MEF2C: variants seen among roughly 807,000 people sequenced by gnomAD.
MEF2C encodes myocyte-specific enhancer factor 2C.
A neutral mutation model predicts 50.5 loss-of-function variants in MEF2C; 6 were observed. That is an observed-to-expected ratio of 0.12 (90% CI 0.07 to 0.23). MEF2C has a LOEUF of 0.23. Among genes scored for constraint, MEF2C ranks in the 10% least tolerant of loss-of-function variants. MEF2C has a pLI of 1.00. For synonymous variants in MEF2C, 183 were observed against 228.0 expected (o/e 0.80, Z 1.78); for missense variants, 276 against 605.0 (o/e 0.46, Z 5.70).
chr5:88,729,734 T>C (rs1256426233), intron 8 of MEF2C, among the ~76,000 whole-genome samples: 3 of 152,188 alleles, frequency 2.0e-5, no homozygotes, highest in Admixed American at 6.5e-5. Context: ...CAGTTCTACA[T>C]ACAGCAGAGA....
At chr5:88,759,673 T>TC (rs1776994490) in intron 4 of MEF2C, among the ~76,000 whole-genome samples, 9 of 151,864 alleles carry the variant, frequency 5.9e-5, no homozygotes, top group African/African-American at 1.9e-4. Flanking sequence ...GTGCATATAA[T>TC]AGTTTTATGA....
intron 3 of MEF2C, among the ~76,000 whole-genome samples, chr5:88,794,463 A>G (rs948207055): frequency 6.6e-6 from 1 of 152,114 alleles, no homozygotes; most frequent in Non-Finnish European, 1.5e-5. Context: ...GTGTCTGTTC[A>G]TATCCTTTGC....
intron 6 of MEF2C, chr5:88,742,067 G>T: frequency 3.0e-6 from 3 of 985,340 alleles, no homozygotes; most frequent in Non-Finnish European, 3.6e-6. Context: ...ATTGGCAAAG[G>T]TTTGTCTAAA....
chr5:88,734,591 T>TA, intron 6 of MEF2C: 2 of 970,374 alleles, frequency 2.1e-6, no homozygotes, highest in Non-Finnish European at 2.4e-6. Flanking sequence ...TTTTTTTTTT[T>TA]TTTTTTTAGC....
intron 1 of MEF2C, among the ~76,000 whole-genome samples, chr5:88,835,240 C>T (rs1814610249): frequency 6.6e-6 from 1 of 152,084 alleles, no homozygotes; most frequent in Non-Finnish European, 1.5e-5. Flanking sequence ...GAGAAAAAAA[C>T]AATCTTACAA....
At chr5:88,825,881 A>G (rs1810646140) in intron 1 of MEF2C, 1 of 152,360 alleles carries the variant, frequency 6.6e-6, no homozygotes, top group African/African-American at 2.4e-5. Flanking sequence ...CGGTGGCACT[A>G]TCGGCTTACA....
At chr5:88,753,012 A>G (rs781507093) in intron 4 of MEF2C, among the ~76,000 whole-genome samples, 4 of 152,240 alleles carry the variant, frequency 2.6e-5, no homozygotes, top group Non-Finnish European at 5.9e-5. Flanking sequence ...GAAGGCATTA[A>G]GGCATTCCCT....
At chr5:88,824,510 T>C (rs761759802) in intron 1 of MEF2C, 17 of 219,314 alleles carry the variant, frequency 7.8e-5, no homozygotes, top group Non-Finnish European at 1.2e-4. Context: ...TGAGAACACC[T>C]TAAAAATAAT....
rs1258124439 is a variant in MEF2C at position 88,776,122 on chromosome 5, G to C, written c.259-14794C>G. 4.0e-5 allele frequency among the ~76,000 whole-genome samples: 6 copies of C among 151,706 alleles called. No individual in the cohort carries two copies. In the East Asian group the frequency reaches 5.8e-4, roughly 15 times the overall value. ...CTACTTTTATTTTGATGATGCTTTG[G>C]TGTTCATAAAATTGTTAAGATAAAT... On this transcript the variant is annotated intron_variant, in intron 3 of 10. Transcript: ENST00000504921.
At position 88,775,334 on chromosome 5, in the gene MEF2C, A is replaced by G. The variant is rs148366196; in HGVS notation, c.259-14006T>C. On this transcript the variant is annotated intron_variant, in intron 3 of 10. Transcript: ENST00000504921. ...GTGAAGGATCCTTTTTCACTAGTGTAGGCAATTATGAATTGAGTGTAATTG... is the reference window on the plus strand; with the variant it reads ...GTGAAGGATCCTTTTTCACTAGTGTGGGCAATTATGAATTGAGTGTAATTG... Among the ~76,000 whole-genome samples, 729 of 152,290 alleles carry G rather than the reference A, an allele frequency of 4.8e-3. 8 individuals carry two copies. Among genetic ancestry groups the G allele is most frequent in the African/African-American group, 0.016 (683 of 41,546 alleles).
chr5:88,770,676 C>A lies in MEF2C; in HGVS notation c.259-9348G>T, dbSNP rs539009371. 1.4e-4 allele frequency among the ~76,000 whole-genome samples: 22 copies of A among 152,134 alleles called. 1 individual carries two copies. The highest frequency in any genetic ancestry group is 1.5e-4 in the Non-Finnish European group (10 of 68,024). On this transcript the variant is annotated intron_variant, in intron 3 of 10. Transcript: ENST00000504921. ...AAAACTCAGAAATCACCCTTGATTC[C>A]GTAATTTCTTGACTCACCTATCGTT...
intron 2 of MEF2C, chr5:88,819,434 C>G: frequency 1.0e-6 from 1 of 955,280 alleles, no homozygotes; most frequent in Non-Finnish European, 1.2e-6. Context: ...AATCTTTTCT[C>G]TCATTTCTCT....
intron 1 of MEF2C, among the ~76,000 whole-genome samples, chr5:88,831,151 T>C (rs993820826): frequency 1.3e-5 from 2 of 152,140 alleles, no homozygotes; most frequent in African/African-American, 4.8e-5. Context: ...TCTAAAAATA[T>C]TTTTCTCATA....
chr5:88,835,363 TC>T (rs1814666765), intron 1 of MEF2C, among the ~76,000 whole-genome samples: 1 of 152,114 alleles, frequency 6.6e-6, no homozygotes, highest in Non-Finnish European at 1.5e-5. Context: ...TATTTGAAAA[TC>T]CCAGTGTCTC....
At chr5:88,803,944 A>G (rs972845048) in intron 3 of MEF2C, among the ~76,000 whole-genome samples, 5 of 152,228 alleles carry the variant, frequency 3.3e-5, no homozygotes, top group Non-Finnish European at 7.3e-5. Context: ...AATTTTTTAA[A>G]TCTGACATTG....
At chr5:88,726,432 C>T (rs775176117) in intron 10 of MEF2C, among the ~76,000 whole-genome samples, 1 of 151,980 alleles carries the variant, frequency 6.6e-6, no homozygotes, top group Non-Finnish European at 1.5e-5. Context: ...AACATTTAAT[C>T]GTGTGAATAT....
chr5:88,741,800 A>G (rs1357602468), intron 6 of MEF2C: 6 of 985,082 alleles, frequency 6.1e-6, no homozygotes, highest in Non-Finnish European at 7.2e-6. Context: ...GTCTAGTAAA[A>G]TAGATAAACT....
chr5:88,894,741 A>G (rs778634882), intron 1 of MEF2C, among the ~76,000 whole-genome samples: 7 of 152,222 alleles, frequency 4.6e-5, no homozygotes, highest in Non-Finnish European at 8.8e-5. Flanking sequence ...ACCTTTAAGG[A>G]GACAGTTTTG....
At chr5:88,866,041 G>A (rs1178677634) in intron 1 of MEF2C, among the ~76,000 whole-genome samples, 1 of 151,892 alleles carries the variant, frequency 6.6e-6, no homozygotes, top group Non-Finnish European at 1.5e-5. Flanking sequence ...GGCTACAGGC[G>A]CCCGCAACCA....
Sources: gnomAD v4.1 joint callset for allele counts (sites outside exome capture counted in the v4.1 genomes callset) on GRCh38, gnomAD v4.1.1 for gene constraint, MANE v1.5 for transcripts, NCBI Gene and HGNC (gene_info 2026-07-23, HGNC 2026-07-21) for gene names.